TRRAP: variants seen among roughly 807,000 people sequenced by gnomAD.
TRRAP encodes transformation/transcription domain associated protein.
Under a neutral mutation model 438.8 loss-of-function variants are expected in TRRAP, and 41 were observed. The observed-to-expected ratio is 0.09, with a 90% CI of 0.07 to 0.12. TRRAP has a LOEUF of 0.12. Ranked by LOEUF, TRRAP falls within the 10% of genes least tolerant of loss-of-function variation. TRRAP has a pLI of 1.00. For synonymous variants in TRRAP, 1,994 were observed against 1,962.9 expected, an observed-to-expected ratio of 1.02 and a Z score of -0.42; for missense variants, 3,122 against 5,055.1, an observed-to-expected ratio of 0.62 and a Z score of 11.60.
rs1209719020 is a variant in TRRAP, at chr7:98,967,121, A to G, written c.7257A>G (p.Glu2419=). 6.2e-7 allele frequency: 1 copy of G among 1,614,020 alleles called. No individual in the cohort carries two copies. The highest frequency in any genetic ancestry group is 1.7e-5 in the Admixed American group (1 of 59,972). ...YIEKRFPEDL[E]LNAQFLDLVN... ...AAAAACGCTTTCCGGAAGACCTTGA[A>G]TTAAATGCCCAGTTTTTAGATCTTG... The change falls in exon 50 of 73, where the codon GAA becomes GAG. Residue 2419 remains glutamate, a synonymous_variant. Transcript: ENST00000456197.
intron 27 of TRRAP, among the ~76,000 whole-genome samples, chr7:98,933,875 G>A (rs1280890477): frequency 6.6e-6 from 1 of 152,208 alleles, no homozygotes; most frequent in Non-Finnish European, 1.5e-5. Flanking sequence ...TACTTTGAAG[G>A]TGTGGAAACT....
chr7:99,004,163 C>T (rs1328219512), intron 67 of TRRAP, 27 bp from the exon 68 acceptor site: 3 of 1,598,280 alleles, frequency 1.9e-6, no homozygotes, highest in East Asian at 2.2e-5. Context: ...TGACTAAAAA[C>T]GTTTTTAATC....
chr7:98,890,178 C>G (rs1795904184), intron 3 of TRRAP, among the ~76,000 whole-genome samples, 157 bp from the exon 4 acceptor site: 1 of 152,112 alleles, frequency 6.6e-6, no homozygotes, highest in Non-Finnish European at 1.5e-5. Context: ...TACAATCATC[C>G]TAATTTAAAA....
At position 99,004,106 on chromosome 7, in the gene TRRAP, T is replaced by C. The variant is rs1170955626; in HGVS notation, c.10310-84T>C. ...ACAAACAAAACATGTAATTCGTAGC[T>C]GGTAGGGGCTTGAGCGTTTTTTGCA... On this transcript the variant is annotated intron_variant, in intron 67 of 72. Transcript: ENST00000456197. 3 of 1,250,474 alleles carry C rather than the reference T, an allele frequency of 2.4e-6. No homozygotes were observed. In the East Asian group the frequency reaches 7.0e-5, roughly 29 times the overall value. 77.5% of individuals were successfully genotyped at this position (1,250,474 alleles called of 1,614,324 possible).
intron 1 of TRRAP, among the ~76,000 whole-genome samples, chr7:98,880,450 G>T (rs781984135): frequency 6.6e-6 from 1 of 151,998 alleles, no homozygotes; most frequent in Non-Finnish European, 1.5e-5. Context: ...TTTTAGTAGA[G>T]ATGGGGTTTC....
At chr7:98,975,827 A>T (rs796307866) in intron 53 of TRRAP, 12 of 244,932 alleles carry the variant, frequency 4.9e-5, no homozygotes, top group African/African-American at 2.7e-4. Context: ...TTACTCTTTC[A>T]GTCTTGTCAG....
At chr7:98,977,354 G>A (rs1018694139) in intron 56 of TRRAP, among the ~76,000 whole-genome samples, 3 of 152,162 alleles carry the variant, frequency 2.0e-5, no homozygotes, top group Admixed American at 2.0e-4. Context: ...TAGAGACGGG[G>A]TTTTGCCATG....
rs147905152 is a variant in TRRAP at position 98,948,568 on chromosome 7, G to C, written c.4671G>C (p.Ala1557=). The C allele has an allele frequency of 2.5e-6, 4 of 1,614,048 alleles. No individual in the cohort carries two copies. In the Admixed American group the frequency reaches 6.7e-5, roughly 27 times the overall value. Reference sequence around the variant, plus strand: ...CAGCATTCCCACATGTTTTGCAGGCGGGGAGTCCATTCCGAGAGCCCCTGA... The same window carrying C: ...CAGCATTCCCACATGTTTTGCAGGCCGGGAGTCCATTCCGAGAGCCCCTGA... The part of the protein sequence containing the change: ...MKTERAMLIE[A]GSPFREPLIK... Residue 1557 remains alanine (A), a splice_region_variant and synonymous_variant, in exon 35 of 73, where the codon GCG becomes GCC. Transcript: ENST00000456197. The surrounding 1 kb of genome is among the most constrained non-coding windows in gnomAD (Gnocchi z 4.9).
chr7:98,990,763 T>C (rs988971325), intron 64 of TRRAP, 144 bp downstream of exon 64: 2 of 887,316 alleles, frequency 2.3e-6, no homozygotes, highest in Non-Finnish European at 3.2e-6. Context: ...CATGTAGATA[T>C]TATTTAATAT....
At chr7:98,952,119 T>A (rs1439032616) in intron 39 of TRRAP, among the ~76,000 whole-genome samples, 1 of 152,174 alleles carries the variant, frequency 6.6e-6, no homozygotes, top group African/African-American at 2.4e-5. Flanking sequence ...AGTCTGTCTG[T>A]TTTTCAGAAT....
At chr7:98,881,814 C>T (rs1478894820) in intron 2 of TRRAP, 161 bp from the exon 3 acceptor site, 15 of 646,630 alleles carry the variant, frequency 2.3e-5, no homozygotes, top group South Asian at 6.1e-5. Context: ...CAAATGGGTG[C>T]GACTGGTTGT....
rs782359963 is a variant in TRRAP at position 98,931,452 on chromosome 7, T to C, written c.3639T>C (p.Leu1213=). The change falls in exon 26 of 73, where the codon CTT becomes CTC. Residue 1213 remains leucine (L), a synonymous_variant. Coordinates refer to ENST00000456197, the MANE Select transcript of TRRAP (RefSeq NM_001375524.1). Reference sequence around the variant, plus strand: ...TGGCAAAGACCACGCTGGAGCAGCTTCTGATGCGGTGCGCAACGCCTTTAA... The same window carrying C: ...TGGCAAAGACCACGCTGGAGCAGCTCCTGATGCGGTGCGCAACGCCTTTAA... ...VAMAKTTLEQ[L]LMRCATPLKD... The C allele has an allele frequency of 6.2e-7, 1 of 1,614,042 alleles. No individual in the cohort carries two copies. The highest frequency in any genetic ancestry group is 1.3e-5 in the African/African-American group (1 of 74,940).
Position 98,994,257 on chromosome 7 carries a change from G to A in TRRAP, c.10048-330G>A, listed in dbSNP as rs191151111. Among the ~76,000 whole-genome samples the A allele has an allele frequency of 1.3e-3, 200 of 152,344 alleles. No individual in the cohort carries two copies. Among genetic ancestry groups the A allele is most frequent in the African/African-American group, 4.2e-3 (173 of 41,582 alleles). ...GTGTGCACAGTGCACGCAGACACGC[G>A]GTGGGAACAGTACAGCTGCCTGAAA... On this transcript the variant is annotated intron_variant, in intron 66 of 72. Coordinates refer to ENST00000456197, the MANE Select transcript of TRRAP (RefSeq NM_001375524.1). This position sits in a 1 kb window ranked among gnomAD's most constrained non-coding sequence, Gnocchi z 4.8.
rs145586252 is a variant in TRRAP, at chr7:99,011,155, C to T, written c.11042C>T (p.Thr3681Met). Residue 3681 changes from threonine (T) to methionine (M), a missense_variant, in exon 71 of 73, where the codon ACG becomes ATG. Coordinates refer to ENST00000456197, the MANE Select transcript of TRRAP (RefSeq NM_001375524.1). The surrounding 1 kb of genome is among the most constrained non-coding windows in gnomAD (Gnocchi z 7.1). ...HTFPNATDYW[T>M]FRKMFTIQLA... ...TTCCCCAATGCCACGGACTACTGGACGTTCCGGAAGATGTTCACCATCCAG... is the reference window on the plus strand; with the variant it reads ...TTCCCCAATGCCACGGACTACTGGATGTTCCGGAAGATGTTCACCATCCAG... 152 of 1,614,112 alleles carry T rather than the reference C, an allele frequency of 9.4e-5. 1 individual carries two copies. The African/African-American group carries it at 1.4e-3, about 15-fold the overall frequency.
chr7:99,005,844 G>T lies in TRRAP; in HGVS notation c.10753+496G>T, dbSNP rs931309134. 6.6e-6 allele frequency among the ~76,000 whole-genome samples: 1 copy of T among 152,064 alleles called. No homozygotes were observed. The highest frequency in any genetic ancestry group is 2.1e-4 in the South Asian group (1 of 4,816). ...GAGTGGGCCCCTGGAGAGCTGGGGC[G>T]TCTCAGTGGGTGCTGCCGGTTTTGC... On this transcript the variant is annotated intron_variant, in intron 69 of 72. Transcript: ENST00000456197. The surrounding 1 kb of genome is among the most constrained non-coding windows in gnomAD (Gnocchi z 5.1).
intron 56 of TRRAP, among the ~76,000 whole-genome samples, chr7:98,977,550 T>C (rs370897102): frequency 6.6e-6 from 1 of 152,248 alleles, no homozygotes; most frequent in East Asian, 1.9e-4. Flanking sequence ...TACCTACGTA[T>C]ATGACATGAG....
chr7:98,929,703 C>T (rs1260750561), intron 23 of TRRAP, among the ~76,000 whole-genome samples: 1 of 151,840 alleles, frequency 6.6e-6, no homozygotes, highest in Non-Finnish European at 1.5e-5. Context: ...AAGTGATTCT[C>T]CCGCCTCAGC....
chr7:98,938,763 C>A (rs778981815), intron 30 of TRRAP, among the ~76,000 whole-genome samples: 1 of 152,196 alleles, frequency 6.6e-6, no homozygotes, highest in African/African-American at 2.4e-5. Flanking sequence ...AAGACTTGTT[C>A]ATAATTTCAC....
intron 58 of TRRAP, among the ~76,000 whole-genome samples, chr7:98,980,970 C>G (rs1217480977): frequency 6.6e-6 from 1 of 152,204 alleles, no homozygotes; most frequent in Non-Finnish European, 1.5e-5. Flanking sequence ...AGGAAGATCA[C>G]TTGAGCCCTG....
Sources: allele counts gnomAD v4.1 joint callset (sites outside exome capture counted in the v4.1 genomes callset), GRCh38; gene constraint gnomAD v4.1.1; non-coding constraint Gnocchi (gnomAD v3.1); transcripts MANE v1.5; gene names NCBI Gene and HGNC (gene_info 2026-07-23, HGNC 2026-07-21).